The following RAP1GAP variants were observed in gnomAD, a reference collection of about 807,000 sequenced individuals.
RAP1GAP encodes the protein rap1 GTPase-activating protein 1.
In RAP1GAP, 35 loss-of-function variants were observed where a neutral mutation model predicts 87.2. The observed-to-expected ratio is 0.40, with a 90% CI of 0.31 to 0.53. The LOEUF (loss-of-function observed/expected upper bound fraction) is 0.53. Ranked by LOEUF, RAP1GAP falls within the 20% of genes least tolerant of loss-of-function variation. The pLI is 0.48. For synonymous variants in RAP1GAP, 375 were observed against 363.9 expected, an observed-to-expected ratio of 1.03 and a Z score of -0.35; for missense variants, 734 against 898.9, an observed-to-expected ratio of 0.82 and a Z score of 2.35.
chr1:21,620,433 G>T (rs1327701685), intron 3 of RAP1GAP, among the ~76,000 whole-genome samples: 1 of 152,226 alleles, frequency 6.6e-6, no homozygotes, highest in Non-Finnish European at 1.5e-5. Context: ...AGGGGGCAAG[G>T]CTCAGTCAAC....
At chr1:21,616,185 A>ACG (rs1334574383) in intron 7 of RAP1GAP, among the ~76,000 whole-genome samples, 3 of 137,122 alleles carry the variant, frequency 2.2e-5, no homozygotes. Flanking sequence ...ACACACACAC[A>ACG]CACACATACA....
chr1:21,624,905 C>T (rs921744694), intron 3 of RAP1GAP, among the ~76,000 whole-genome samples: 10 of 152,114 alleles, frequency 6.6e-5, no homozygotes, highest in African/African-American at 2.2e-4. Context: ...AGCTGTGGTC[C>T]GAGGGCATAC....
At chr1:21,649,942 T>C in intron 1 of RAP1GAP, 146 bp from the exon 2 acceptor site, 1 of 810,164 alleles carries the variant, frequency 1.2e-6, no homozygotes, top group Non-Finnish European at 2.0e-6. Flanking sequence ...GCAGTCACTA[T>C]CACCCTTAGG....
At position 21,616,136 on chromosome 1, in the gene RAP1GAP, AACACACACACACAC is replaced by A. The variant is rs58644324; in HGVS notation, c.291+1156_291+1169del. On this transcript the variant is annotated intron_variant, in intron 7 of 24. Coordinates refer to ENST00000374765, the MANE Select transcript of RAP1GAP (RefSeq NM_002885.4). ...CCCCAAGGAGTCACCCCCTCTTCCC[AACACACACACACAC>A]ACACACACACACACACACACACACA... Among the ~76,000 whole-genome samples the A allele has an allele frequency of 6.3e-3, 804 of 126,892 alleles. 12 individuals are homozygous for A. In the East Asian group the frequency reaches 0.069, roughly 11 times the overall value. 83.2% of individuals were successfully genotyped at this position (126,892 alleles called of 152,430 possible).
At chr1:21,611,310 G>A (rs1204424449) in intron 13 of RAP1GAP, 142 bp downstream of exon 13, 23 of 1,222,382 alleles carry the variant, frequency 1.9e-5, no homozygotes, top group South Asian at 4.5e-5. Flanking sequence ...CTGACCCAAC[G>A]AGACCCCACA....
At position 21,613,503 on chromosome 1, in the gene RAP1GAP, C is replaced by G. The variant is rs2079790869; in HGVS notation, c.474+125G>C. On this transcript the variant is annotated intron_variant, in intron 9 of 24. Coordinates refer to ENST00000374765, the MANE Select transcript of RAP1GAP (RefSeq NM_002885.4). The surrounding 1 kb of genome is among the most constrained non-coding windows in gnomAD (Gnocchi z 4.7). The stretch of plus-strand genomic sequence containing the variant: ...GATGGGAACAAGTGAGAGACAGCCT[C>G]AGGATAGGGCGGCAGGCCAGGGCTA... The G allele has an allele frequency of 3.2e-6, 3 of 933,408 alleles. No homozygotes were observed. In the South Asian group the frequency reaches 4.2e-5, roughly 13 times the overall value. The allele number at this position is 933,408 out of a possible 1,614,324, so 57.8% of individuals were successfully genotyped here.
At position 21,622,654 on chromosome 1, in the gene RAP1GAP, G is replaced by C. The variant is rs867716244; in HGVS notation, c.-18-2604C>G. ...CGGGGGCGCTGAAGCCACGCCCCCC[G>C]GGCGGCCCGGCCCGCGGCCCCGGGA... On this transcript the variant is annotated intron_variant, in intron 3 of 24. Transcript: ENST00000374765. This position sits in a 1 kb window ranked among gnomAD's most constrained non-coding sequence, Gnocchi z 5.7. 4 of 148,480 alleles carry C rather than the reference G, an allele frequency of 2.7e-5. No homozygotes were observed. The highest frequency in any genetic ancestry group is 2.1e-4 in the South Asian group (1 of 4,838). 9.2% of individuals were successfully genotyped at this position (148,480 alleles called of 1,614,324 possible).
intron 10 of RAP1GAP, 183 bp downstream of exon 10, chr1:21,612,993 G>T: frequency 1.5e-6 from 1 of 670,858 alleles, no homozygotes; most frequent in Non-Finnish European, 2.7e-6. Context: ...TGTGCACCCT[G>T]GGGGAAGGCA....
intron 19 of RAP1GAP, among the ~76,000 whole-genome samples, chr1:21,602,058 T>C (rs1333600123): frequency 2.0e-5 from 3 of 152,214 alleles, no homozygotes; most frequent in Admixed American, 6.5e-5. Context: ...TGTCCCATTA[T>C]GGATAAGGAA....
Position 21,634,878 on chromosome 1 carries a change from A to G in RAP1GAP, c.-112-8481T>C. 4.3e-6 allele frequency: 1 copy of G among 230,830 alleles called. No individual in the cohort carries two copies. The highest frequency in any genetic ancestry group is 1.5e-4 in the East Asian group (1 of 6,782). 14.3% of individuals were successfully genotyped at this position (230,830 alleles called of 1,614,324 possible). ...CAGTGTGGACTGACTCCTCCCCTGC[A>G]CTGGGGTAAGGAGGAGGAGTGACTC... On this transcript the variant is annotated intron_variant, in intron 2 of 24. Coordinates refer to ENST00000374765, the MANE Select transcript of RAP1GAP (RefSeq NM_002885.4). The surrounding 1 kb of genome is among the most constrained non-coding windows in gnomAD (Gnocchi z 4.1).
chr1:21,636,129 G>GAGC (rs2094629730), intron 2 of RAP1GAP, among the ~76,000 whole-genome samples: 1 of 152,222 alleles, frequency 6.6e-6, no homozygotes, highest in Non-Finnish European at 1.5e-5. Context: ...GACTAGCCTA[G>GAGC]AGCTGAGGAC....
At chr1:21,597,640 C>A in intron 24 of RAP1GAP, 46 bp downstream of exon 24, 2 of 1,506,734 alleles carry the variant, frequency 1.3e-6, no homozygotes, top group Non-Finnish European at 9.1e-7. Flanking sequence ...CCTCTACACA[C>A]CCCCACCCTC....
At chr1:21,624,017 G>C (rs552388440) in intron 3 of RAP1GAP, among the ~76,000 whole-genome samples, 1 of 152,346 alleles carries the variant, frequency 6.6e-6, no homozygotes, top group East Asian at 1.9e-4. Context: ...ATTTGTGTTT[G>C]TACATGTGTA....
intron 3 of RAP1GAP, among the ~76,000 whole-genome samples, chr1:21,626,073 C>T (rs75483596): frequency 2.6e-5 from 4 of 152,116 alleles, no homozygotes; most frequent in African/African-American, 7.2e-5. Context: ...TGCTTAGATT[C>T]GCCCTAAGCC....
chr1:21,611,775 G>T lies in RAP1GAP; in HGVS notation c.654C>A (p.Pro218=). ...EELFSTNEES[P]AFVEFLEFLG... is the part of the protein sequence containing the mutation. ...GAAATTCAAGGAACTCCACGAAAGC[G>T]GGACTTTCCTCATTGGTGCTGAAGA... Residue 218 remains proline (P), a synonymous_variant, in exon 12 of 25, where the codon CCC becomes CCA. Transcript: ENST00000374765. The T allele has an allele frequency of 6.2e-7, 1 of 1,614,036 alleles. No individual in the cohort carries two copies. The highest frequency in any genetic ancestry group is 8.5e-7 in the Non-Finnish European group (1 of 1,179,862).
At position 21,613,260 on chromosome 1, in the gene RAP1GAP, G is replaced by A; in HGVS notation, c.475-31C>T. The A allele has an allele frequency of 2.0e-6, 3 of 1,527,300 alleles. No homozygotes were observed. Among genetic ancestry groups the A allele is most frequent in the Non-Finnish European group, 2.7e-6 (3 of 1,101,214 alleles). 94.6% of individuals were successfully genotyped at this position (1,527,300 alleles called of 1,614,324 possible). On this transcript the variant is annotated intron_variant, in intron 9 of 24. Transcript: ENST00000374765. The surrounding 1 kb of genome is among the most constrained non-coding windows in gnomAD (Gnocchi z 4.7). ...GGAGGAGATAAGGGAGGGGTGTGAG[G>A]TGTGGGGCCAGGGAGGAGAGGATGG...
intron 4 of RAP1GAP, among the ~76,000 whole-genome samples, chr1:21,619,568 A>G (rs932052302): frequency 1.6e-4 from 24 of 152,162 alleles, no homozygotes; most frequent in Admixed American, 1.0e-3. Flanking sequence ...ACCTATGTGA[A>G]ACGCAGACGG....
chr1:21,598,513 G>C lies in RAP1GAP; in HGVS notation c.1777-11C>G, dbSNP rs1250369813. 6.2e-7 allele frequency: 1 copy of C among 1,601,288 alleles called. No individual in the cohort carries two copies. ...GGATGACACGCTCTCCTGGGGAGGG[G>C]GTGGAAAGAGGGAGGGAGGTTAGCC... is the stretch of plus-strand genomic sequence containing the variant. On this transcript the variant is annotated splice_polypyrimidine_tract_variant and intron_variant, in intron 21 of 24. Coordinates refer to ENST00000374765, the MANE Select transcript of RAP1GAP (RefSeq NM_002885.4).
Position 21,613,557 on chromosome 1 carries a change from G to A in RAP1GAP, c.474+71C>T, listed in dbSNP as rs2149444486. ...CCTACAGCTGAAGGGGACGCGCCAA[G>A]GCAAGCTGAAGCCCCACAGGTGCCC... On this transcript the variant is annotated intron_variant, in intron 9 of 24. Transcript: ENST00000374765. This position sits in a 1 kb window ranked among gnomAD's most constrained non-coding sequence, Gnocchi z 4.7. The A allele has an allele frequency of 7.0e-7, 1 of 1,419,796 alleles. No individual in the cohort carries two copies. Among genetic ancestry groups the A allele is most frequent in the East Asian group, 2.3e-5 (1 of 43,940 alleles). 87.9% of individuals were successfully genotyped at this position (1,419,796 alleles called of 1,614,324 possible). A position where few individuals can be genotyped will look rare whatever the true frequency, so the allele number is the denominator to read the frequency against.
Sources: allele counts gnomAD v4.1 joint callset (sites outside exome capture counted in the v4.1 genomes callset), GRCh38; gene constraint gnomAD v4.1.1; non-coding constraint Gnocchi (gnomAD v3.1); transcripts MANE v1.5; gene names NCBI Gene and HGNC (gene_info 2026-07-23, HGNC 2026-07-21).